Variants in DIPK1A observed in about 807,000 individuals in gnomAD.
The protein encoded by DIPK1A is divergent protein kinase domain 1A.
In DIPK1A, 27 loss-of-function variants were observed where a neutral mutation model predicts 40.8. The observed-to-expected ratio is 0.66, with a 90% CI of 0.49 to 0.91. The LOEUF is 0.91. Among genes scored for constraint, DIPK1A ranks in the 40% least tolerant of loss-of-function variants. DIPK1A has a pLI of 0.00. For synonymous variants in DIPK1A, 166 were observed against 171.3 expected (o/e 0.97, Z 0.24); for missense variants, 412 against 505.7 (o/e 0.81, Z 1.78).
At chr1:92,917,056 CT>C (rs1224639483) in intron 1 of DIPK1A, among the ~76,000 whole-genome samples, 2 of 152,076 alleles carry the variant, frequency 1.3e-5, no homozygotes, top group Non-Finnish European at 2.9e-5. Context: ...ATTGTGTATT[CT>C]TTTCTCTCTG....
At chr1:92,833,139 G>T in intron 4 of DIPK1A, 1 of 669,518 alleles carries the variant, frequency 1.5e-6, no homozygotes, top group Non-Finnish European at 2.7e-6. Context: ...CCTGCATTTT[G>T]TATGTTTCTT....
At chr1:92,871,493 T>G (rs2100766615) in intron 2 of DIPK1A, among the ~76,000 whole-genome samples, 1 of 152,204 alleles carries the variant, frequency 6.6e-6, no homozygotes, top group Admixed American at 6.5e-5. Context: ...TTCCATTTTT[T>G]CTATGTTAGT....
chr1:92,835,073 T>C lies in DIPK1A; in HGVS notation c.475-2039A>G, dbSNP rs1687064294. 3.8e-6 allele frequency: 4 copies of C among 1,040,914 alleles called. No individual in the cohort carries two copies. In the South Asian group the frequency reaches 5.5e-5, roughly 14 times the overall value. 64.5% of individuals were successfully genotyped at this position (1,040,914 alleles called of 1,614,324 possible). A position where few individuals can be genotyped will look rare whatever the true frequency, so the allele number is the denominator to read the frequency against. ...TTAATGGATCTATCTAGGTCAGCTC[T>C]TTCCAATAAAATTTTCTGCAATGAC... On this transcript the variant is annotated intron_variant, in intron 4 of 4. Coordinates refer to the DIPK1A transcript ENST00000615519.
chr1:92,846,057 C>A, intron 4 of DIPK1A: 1 of 156,362 alleles, frequency 6.4e-6, no homozygotes, highest in Non-Finnish European at 1.4e-5. Context: ...AAAAAATCCC[C>A]AGGCCTCCTG....
chr1:92,881,083 G>A (rs1415755222), intron 1 of DIPK1A, among the ~76,000 whole-genome samples: 7 of 134,738 alleles, frequency 5.2e-5, no homozygotes, highest in African/African-American at 2.0e-4. Context: ...TGAGGCAGGA[G>A]AATCGCTTGA....
chr1:92,843,410 C>A lies in DIPK1A; in HGVS notation c.1260G>T (p.Lys420Asn). 6.5e-7 allele frequency: 1 copy of A among 1,544,220 alleles called. No homozygotes were observed. The highest frequency in any genetic ancestry group is 8.7e-7 in the Non-Finnish European group (1 of 1,143,508). ...ILNNLKTLLW[K>N]KISYTNDS ...AAGAGTCATTAGTGTAGGAAATTTT[C>A]TTCCACAATAATGTTTTTAGGTTAT... Residue 420 changes from lysine to asparagine, a missense_variant, in exon 5 of 5, where the codon AAG becomes AAT. Physicochemically the swap from Lys to Asn is moderately conservative, Grantham distance 94. Coordinates refer to ENST00000370310, the MANE Select transcript of DIPK1A (RefSeq NM_001006605.5).
At chr1:92,851,647 CAAGAAAGGGAAAA>C (rs1325082315) in intron 2 of DIPK1A, among the ~76,000 whole-genome samples, 1 of 142,052 alleles carries the variant, frequency 7.0e-6, no homozygotes, top group Non-Finnish European at 1.5e-5. Context: ...CACCCAAAAA[CAAGAAAGGGAAAA>C]AAACCCATCC....
chr1:92,870,731 C>G (rs1290683378), intron 2 of DIPK1A, among the ~76,000 whole-genome samples: 1 of 152,216 alleles, frequency 6.6e-6, no homozygotes, highest in Non-Finnish European at 1.5e-5. Flanking sequence ...CAGCTCTCAG[C>G]TGAGTCCTTT....
At chr1:92,838,905 T>C (rs1361972457), downstream of DIPK1A, among the ~76,000 whole-genome samples, 1 of 152,256 alleles carries the variant, frequency 6.6e-6, no homozygotes, top group Admixed American at 6.5e-5. Context: ...TATTTTCCTT[T>C]AATAATCTTT....
chr1:92,947,746 G>T (rs369146389), intron 1 of DIPK1A, among the ~76,000 whole-genome samples: 4 of 152,268 alleles, frequency 2.6e-5, no homozygotes, highest in South Asian at 4.1e-4. Flanking sequence ...GTCTTTCACG[G>T]CAATATGGAT....
At chr1:92,887,679 A>C (rs1255052756) in intron 1 of DIPK1A, among the ~76,000 whole-genome samples, 1 of 152,202 alleles carries the variant, frequency 6.6e-6, no homozygotes, top group East Asian at 1.9e-4. Flanking sequence ...GTTTTGGGGA[A>C]ATTTATTATG....
At position 92,842,565 on chromosome 1, in the gene DIPK1A, A is replaced by AAGTT. The variant is rs1441667525; in HGVS notation, c.*814_*817dup. 4 of 984,830 alleles carry AAGTT rather than the reference A, an allele frequency of 4.1e-6. No homozygotes were observed. Among genetic ancestry groups the AAGTT allele is most frequent in the African/African-American group, 1.7e-5 (1 of 57,166 alleles). 61.0% of individuals were successfully genotyped at this position (984,830 alleles called of 1,614,324 possible). ...ACAGGATATACTGTTTGAAAATGGA[A>AAGTT]AGTTATTACTAAAAAGTCTGCTATA... On this transcript the variant is annotated 3_prime_UTR_variant, in exon 5 of 5. Coordinates refer to ENST00000370310, the MANE Select transcript of DIPK1A (RefSeq NM_001006605.5).
chr1:92,914,664 G>A (rs184886932), intron 1 of DIPK1A, among the ~76,000 whole-genome samples: 27 of 151,996 alleles, frequency 1.8e-4, no homozygotes, highest in Admixed American at 3.3e-4. Context: ...AGCTACTTGG[G>A]AGACTGAGGC....
intron 1 of DIPK1A, among the ~76,000 whole-genome samples, chr1:92,894,718 G>A (rs1327690896): frequency 3.3e-5 from 5 of 152,036 alleles, no homozygotes; most frequent in Non-Finnish European, 5.9e-5. Flanking sequence ...TCCAGGAGCT[G>A]GTTTTTTGAA....
chr1:92,914,370 C>T (rs1649958518), intron 1 of DIPK1A, among the ~76,000 whole-genome samples: 1 of 152,052 alleles, frequency 6.6e-6, no homozygotes, highest in South Asian at 2.1e-4. Flanking sequence ...TTTATACGAG[C>T]TTCCCCTTAA....
At chr1:92,861,610 A>G (rs1459163583) in intron 2 of DIPK1A, among the ~76,000 whole-genome samples, 4 of 150,980 alleles carry the variant, frequency 2.6e-5, no homozygotes, top group Admixed American at 2.0e-4. Flanking sequence ...TACAGGCGTG[A>G]GCTGCTGCGC....
intron 1 of DIPK1A, among the ~76,000 whole-genome samples, chr1:92,928,516 AT>A (rs1650609493): frequency 6.6e-6 from 1 of 152,190 alleles, no homozygotes; most frequent in African/African-American, 2.4e-5. Context: ...AGTTAGTGTC[AT>A]TTCCAGTGTT....
chr1:92,893,171 G>A (rs1405346737), intron 1 of DIPK1A, among the ~76,000 whole-genome samples: 4 of 150,690 alleles, frequency 2.7e-5, no homozygotes, highest in Admixed American at 2.0e-4. Context: ...GATACTCCTC[G>A]AGAAGAGCAA....
At chr1:92,906,596 G>A (rs1292878208) in intron 1 of DIPK1A, among the ~76,000 whole-genome samples, 1 of 152,000 alleles carries the variant, frequency 6.6e-6, no homozygotes, top group Admixed American at 6.6e-5. Flanking sequence ...TATATAATAT[G>A]AATACAATGA....
Sources: allele counts gnomAD v4.1 joint callset (sites outside exome capture counted in the v4.1 genomes callset), GRCh38; gene constraint gnomAD v4.1.1; transcripts MANE v1.5; gene names NCBI Gene and HGNC (gene_info 2026-07-23, HGNC 2026-07-21).